Variants in CELF2 observed in about 807,000 individuals in gnomAD.
CELF2 encodes the protein CUG triplet repeat RNA-binding protein 2.
Under a neutral mutation model 62.6 loss-of-function variants are expected in CELF2, and 8 were observed. The observed-to-expected ratio is 0.13, with a 90% CI of 0.07 to 0.23. CELF2 has a LOEUF of 0.23. Ranked by LOEUF, CELF2 falls within the 10% of genes least tolerant of loss-of-function variation. CELF2 has a pLI of 1.00. For synonymous variants in CELF2, 258 were observed against 250.0 expected, an observed-to-expected ratio of 1.03 and a Z score of -0.30; for missense variants, 333 against 671.0, an observed-to-expected ratio of 0.50 and a Z score of 5.56.
intron 1 of CELF2, among the ~76,000 whole-genome samples, chr10:11,063,804 T>C (rs902770138): frequency 2.6e-5 from 4 of 152,232 alleles, no homozygotes; most frequent in African/African-American, 9.6e-5. Flanking sequence ...TAAATAATTC[T>C]TTAGAGACAC....
chr10:11,006,400 T>C (rs1287589859), intron 1 of CELF2, among the ~76,000 whole-genome samples: 2 of 152,244 alleles, frequency 1.3e-5, no homozygotes, highest in Non-Finnish European at 2.9e-5. Context: ...TCTGCCGCTA[T>C]GTTGGTTGGA....
the CELF2 span, among the ~76,000 whole-genome samples, chr10:10,498,145 A>G: frequency 6.6e-6 from 1 of 152,190 alleles, no homozygotes; most frequent in African/African-American, 2.4e-5. Flanking sequence ...TCTGGCCTGA[A>G]CAAGAAGGAG....
At chr10:11,009,117 A>G (rs1021839523) in intron 1 of CELF2, among the ~76,000 whole-genome samples, 4 of 151,932 alleles carry the variant, frequency 2.6e-5, no homozygotes. Flanking sequence ...TGGGTAGGAA[A>G]GACAAGGCAG....
intron 1 of CELF2, among the ~76,000 whole-genome samples, chr10:10,862,345 G>A (rs1478776717): frequency 2.0e-5 from 3 of 152,208 alleles, no homozygotes; most frequent in Admixed American, 6.5e-5. Flanking sequence ...GCAATGATCT[G>A]AAGGCTCTAC....
intron 1 of CELF2, among the ~76,000 whole-genome samples, chr10:11,069,290 A>G (rs2069054486): frequency 6.6e-6 from 1 of 152,244 alleles, no homozygotes; most frequent in African/African-American, 2.4e-5. Context: ...GATCATGATT[A>G]CTACATGATT....
At chr10:11,033,678 C>G (rs576691696) in intron 1 of CELF2, among the ~76,000 whole-genome samples, 4 of 152,170 alleles carry the variant, frequency 2.6e-5, no homozygotes, top group Non-Finnish European at 5.9e-5. Context: ...AGACTAGAAC[C>G]AAAGTAAATT....
the CELF2 span, among the ~76,000 whole-genome samples, chr10:10,672,892 G>A: frequency 4.6e-5 from 7 of 152,052 alleles, no homozygotes; most frequent in South Asian, 2.1e-4. Flanking sequence ...GGGAAAAACC[G>A]ACTTGCCAGT....
intron 1 of CELF2, among the ~76,000 whole-genome samples, chr10:10,904,864 G>T (rs2063212780): frequency 6.6e-6 from 1 of 152,116 alleles, no homozygotes; most frequent in African/African-American, 2.4e-5. Context: ...AGAAGCAGTT[G>T]GAAAAACACT....
chr10:10,632,441 GCACACA>G, the CELF2 span, among the ~76,000 whole-genome samples: 2 of 149,262 alleles, frequency 1.3e-5, no homozygotes, highest in Admixed American at 6.7e-5. Context: ...ACAGACACAC[GCACACA>G]CACACACACA....
chr10:11,197,016 G>GA (rs775416278), intron 2 of CELF2, among the ~76,000 whole-genome samples: 4 of 12,164 alleles, frequency 3.3e-4, no homozygotes, highest in South Asian at 2.8e-3. Flanking sequence ...AAGAAAGAAA[G>GA]AAAGAAAGAA....
chr10:10,967,049 C>T lies in CELF2; in HGVS notation c.89+47050C>T, dbSNP rs146882335. Among the ~76,000 whole-genome samples the T allele has an allele frequency of 1.2e-4, 18 of 152,282 alleles. No homozygotes were observed. In the East Asian group the frequency reaches 2.1e-3, roughly 18 times the overall value. On this transcript the variant is annotated intron_variant, in intron 2 of 13. Transcript: ENST00000636488. ...GAGTTTAATTGAGCAAAGAACAATT[C>T]GAGAACCGGGCAGCCCCACGAACAA...
chr10:11,190,449 C>G (rs945698108), intron 2 of CELF2, among the ~76,000 whole-genome samples: 1 of 151,944 alleles, frequency 6.6e-6, no homozygotes, highest in East Asian at 1.9e-4. Flanking sequence ...AGTTTGCAAA[C>G]AAGAACTGCC....
intron 1 of CELF2, among the ~76,000 whole-genome samples, chr10:10,882,613 G>A (rs2061504567): frequency 6.6e-6 from 1 of 152,232 alleles, no homozygotes; most frequent in South Asian, 2.1e-4. Context: ...GCTCTAAAAA[G>A]CAATTCCTTC....
intron 2 of CELF2, among the ~76,000 whole-genome samples, chr10:11,192,702 T>C (rs891196577): frequency 1.3e-5 from 2 of 152,226 alleles, no homozygotes; most frequent in African/African-American, 4.8e-5. Context: ...CTCACAGAGT[T>C]CTTTTCACCG....
chr10:10,520,986 T>C, the CELF2 span, among the ~76,000 whole-genome samples: 450 of 152,298 alleles, frequency 3.0e-3, 1 homozygote, highest in African/African-American at 0.01. Context: ...CACAGTGCTA[T>C]GGTAACCAAA....
upstream of CELF2, among the ~76,000 whole-genome samples, chr10:10,793,556 C>T (rs2053973174): frequency 6.6e-6 from 1 of 152,172 alleles, no homozygotes; most frequent in Non-Finnish European, 1.5e-5. Flanking sequence ...TTTTACAAAA[C>T]ATCAGTTTCA....
At chr10:10,958,830 C>T (rs898039469) in intron 2 of CELF2, among the ~76,000 whole-genome samples, 9 of 151,828 alleles carry the variant, frequency 5.9e-5, no homozygotes, top group Non-Finnish European at 1.2e-4. Flanking sequence ...GGTAACACAG[C>T]GAAGCCTAGT....
the CELF2 span, among the ~76,000 whole-genome samples, chr10:10,580,019 A>G: frequency 1.3e-5 from 2 of 152,300 alleles, no homozygotes; most frequent in African/African-American, 4.8e-5. Flanking sequence ...AACACATCAA[A>G]AAAGATTACC....
At chr10:10,686,615 G>T in the CELF2 span, among the ~76,000 whole-genome samples, 1 of 152,114 alleles carries the variant, frequency 6.6e-6, no homozygotes, top group Non-Finnish European at 1.5e-5. Context: ...ATGAGATCTT[G>T]TGGTTTTATA....
Sources: gnomAD v4.1 joint callset for allele counts (sites outside exome capture counted in the v4.1 genomes callset) on GRCh38, gnomAD v4.1.1 for gene constraint, MANE v1.5 for transcripts, NCBI Gene and HGNC (gene_info 2026-07-23, HGNC 2026-07-21) for gene names.